The following ABHD6 variants were observed in gnomAD, a reference collection of about 807,000 sequenced individuals.
ABHD6 encodes abhydrolase domain containing 6, acylglycerol lipase, also known as monoacylglycerol lipase ABHD6.
ABHD6 carries 33 observed loss-of-function variants against 38.8 expected under a neutral mutation model. That is an observed-to-expected ratio of 0.85 (90% CI 0.64 to 1.14). The LOEUF (loss-of-function observed/expected upper bound fraction) is 1.14. Among genes scored for constraint, ABHD6 ranks in the 50% most tolerant of loss-of-function variants. The pLI, the probability that ABHD6 is intolerant of heterozygous loss-of-function variation, is 0.00. For synonymous variants in ABHD6, 147 were observed against 161.6 expected (o/e 0.91, Z 0.69); for missense variants, 380 against 422.6 (o/e 0.90, Z 0.88).
chr3:58,239,581 T>C (rs897683973), intron 1 of ABHD6, among the ~76,000 whole-genome samples: 2 of 152,232 alleles, frequency 1.3e-5, no homozygotes, highest in African/African-American at 4.8e-5. Flanking sequence ...CTCCAAATTA[T>C]CCATTGTCTT....
Position 58,256,644 on chromosome 3 carries a change from A to G in ABHD6, c.58A>G (p.Ile20Val), listed in dbSNP as rs141676793. The change falls in exon 3 of 10, where the codon ATC becomes GTC. Residue 20 changes from isoleucine (I) to valine (V), a missense_variant. Transcript: ENST00000478253. The surrounding 1 kb of genome is among the most constrained non-coding windows in gnomAD (Gnocchi z 4.3). Reference sequence around the variant, plus strand: ...TGCGGGCGGCACGCTGGCCATCCCAATCCTGGCATTTGTGGCTTCATTTCT... The same window carrying G: ...TGCGGGCGGCACGCTGGCCATCCCAGTCCTGGCATTTGTGGCTTCATTTCT... ...VIAGGTLAIP[I>V]LAFVASFLLW... 2.0e-5 allele frequency: 32 copies of G among 1,613,806 alleles called. No individual in the cohort carries two copies. The highest frequency in any genetic ancestry group is 1.7e-4 in the Middle Eastern group (1 of 5,854).
At position 58,256,498 on chromosome 3, in the gene ABHD6, A is replaced by T; in HGVS notation, c.-25-64A>T. 2 of 962,818 alleles carry T rather than the reference A, an allele frequency of 2.1e-6. No homozygotes were observed. Among genetic ancestry groups the T allele is most frequent in the Non-Finnish European group, 1.6e-6 (1 of 629,240 alleles). 59.6% of individuals were successfully genotyped at this position (962,818 alleles called of 1,614,324 possible). On this transcript the variant is annotated intron_variant, in intron 2 of 9. Transcript: ENST00000478253. This position sits in a 1 kb window ranked among gnomAD's most constrained non-coding sequence, Gnocchi z 4.3. ...GAACTTCACTTTTCTTGTCCCCTTTACTTCTTCGCCTTTTTTCCTTTGATA... is the reference window on the plus strand; with the variant it reads ...GAACTTCACTTTTCTTGTCCCCTTTTCTTCTTCGCCTTTTTTCCTTTGATA...
At chr3:58,284,855 G>A (rs1047922988) in intron 7 of ABHD6, among the ~76,000 whole-genome samples, 2 of 151,994 alleles carry the variant, frequency 1.3e-5, no homozygotes, top group African/African-American at 2.4e-5. Context: ...CCAGTTTCAC[G>A]ATATTACCCA....
intron 7 of ABHD6, among the ~76,000 whole-genome samples, chr3:58,281,468 C>T (rs1342610725): frequency 6.6e-6 from 1 of 152,162 alleles, no homozygotes; most frequent in Admixed American, 6.5e-5. Context: ...AGTATTTGGG[C>T]AGGAGTGTCC....
chr3:58,260,845 G>A (rs553589839), intron 3 of ABHD6, among the ~76,000 whole-genome samples: 6 of 152,306 alleles, frequency 3.9e-5, no homozygotes, highest in African/African-American at 7.2e-5. Context: ...TTCCCTCTGG[G>A]ATTGTCTCAG....
chr3:58,246,984 A>T (rs2097426853), intron 1 of ABHD6, among the ~76,000 whole-genome samples: 1 of 150,020 alleles, frequency 6.7e-6, no homozygotes, highest in African/African-American at 2.5e-5. Context: ...TCACATTTGT[A>T]TTTCTTTCCT....
rs936757313 is a variant in ABHD6, at chr3:58,263,728, C to G, written c.120-3461C>G. On this transcript the variant is annotated intron_variant, in intron 3 of 9. Coordinates refer to ENST00000478253, the MANE Select transcript of ABHD6 (RefSeq NM_001320126.2). The surrounding 1 kb of genome is among the most constrained non-coding windows in gnomAD (Gnocchi z 4.9). ...CACCTTTTCCACCAGGTCCTTCCAG[C>G]TCTTCCATGATCTCACACTGTACTT... 6.6e-6 allele frequency among the ~76,000 whole-genome samples: 1 copy of G among 152,236 alleles called. No individual in the cohort carries two copies. The highest frequency in any genetic ancestry group is 2.1e-4 in the South Asian group (1 of 4,838).
chr3:58,273,904 TC>T lies in ABHD6; in HGVS notation c.524-753del, dbSNP rs1381327971. Among the ~76,000 whole-genome samples, 1 of 152,090 alleles carries T rather than the reference TC, an allele frequency of 6.6e-6. No individual in the cohort carries two copies. Among genetic ancestry groups the T allele is most frequent in the Admixed American group, 6.6e-5 (1 of 15,254 alleles). The stretch of plus-strand genomic sequence containing the variant: ...CTTAAAGTAAAAAAAGAAAAAAAAA[TC>T]TAATTATTTGGCTAAGCTAAATGCC... On this transcript the variant is annotated intron_variant, in intron 6 of 9. Transcript: ENST00000478253. The surrounding 1 kb of genome is among the most constrained non-coding windows in gnomAD (Gnocchi z 4.8).
At chr3:58,289,950 C>T (rs2097460586) in intron 9 of ABHD6, among the ~76,000 whole-genome samples, 1 of 142,624 alleles carries the variant, frequency 7.0e-6, no homozygotes, top group African/African-American at 2.8e-5. Flanking sequence ...CGGGCAGAGG[C>T]GCCCCTCACC....
At chr3:58,258,070 G>A (rs368398248) in intron 3 of ABHD6, among the ~76,000 whole-genome samples, 21 of 152,268 alleles carry the variant, frequency 1.4e-4, no homozygotes, top group African/African-American at 4.8e-4. Flanking sequence ...CATTTTGGGA[G>A]GCCGAGGCAG....
intron 1 of ABHD6, among the ~76,000 whole-genome samples, chr3:58,248,843 G>A (rs1234931262): frequency 6.6e-6 from 1 of 152,162 alleles, no homozygotes; most frequent in Non-Finnish European, 1.5e-5. Context: ...TTTTTCCATA[G>A]CCTCAGCAGC....
intron 1 of ABHD6, among the ~76,000 whole-genome samples, chr3:58,246,394 G>A (rs11928457): frequency 0.054 from 8,188 of 152,300 alleles, 322 homozygotes; most frequent in Non-Finnish European, 0.082. Flanking sequence ...CTGTACCACA[G>A]GATACACAAC....
chr3:58,250,346 G>A (rs1343646359), intron 2 of ABHD6, among the ~76,000 whole-genome samples: 1 of 152,158 alleles, frequency 6.6e-6, no homozygotes, highest in Non-Finnish European at 1.5e-5. Flanking sequence ...GAATGAAGCT[G>A]TATGGGGCTC....
chr3:58,278,977 G>A (rs1233523521), intron 7 of ABHD6, among the ~76,000 whole-genome samples: 1 of 152,124 alleles, frequency 6.6e-6, no homozygotes, highest in African/African-American at 2.4e-5. Flanking sequence ...AGTTTGTTGT[G>A]ATTTCTGTTC....
At position 58,273,181 on chromosome 3, in the gene ABHD6, G is replaced by T. The variant is rs565259796; in HGVS notation, c.524-1477G>T. Among the ~76,000 whole-genome samples the T allele has an allele frequency of 5.9e-5, 9 of 152,262 alleles. 1 individual carries two copies. In the South Asian group the frequency reaches 1.9e-3, roughly 32 times the overall value. On this transcript the variant is annotated intron_variant, in intron 6 of 9. Coordinates refer to ENST00000478253, the MANE Select transcript of ABHD6 (RefSeq NM_001320126.2). The surrounding 1 kb of genome is among the most constrained non-coding windows in gnomAD (Gnocchi z 4.8). Reference sequence around the variant, plus strand: ...TACCCATGTTAGATTTAAAGGGTTTGCTGGACATAGATTTGCAAAGCGTGG... The same window carrying T: ...TACCCATGTTAGATTTAAAGGGTTTTCTGGACATAGATTTGCAAAGCGTGG...
At chr3:58,289,489 G>C (rs1241299035) in intron 9 of ABHD6, among the ~76,000 whole-genome samples, 3 of 150,570 alleles carry the variant, frequency 2.0e-5, no homozygotes, top group Admixed American at 1.3e-4. Flanking sequence ...ATCTTGCACT[G>C]CCCTTAATCC....
rs1322938600 is a variant in ABHD6, at chr3:58,266,845, T to C, written c.120-344T>C. Among the ~76,000 whole-genome samples the C allele has an allele frequency of 6.6e-6, 1 of 152,228 alleles. No homozygotes were observed. The highest frequency in any genetic ancestry group is 2.4e-5 in the African/African-American group (1 of 41,458). On this transcript the variant is annotated intron_variant, in intron 3 of 9. Coordinates refer to ENST00000478253, the MANE Select transcript of ABHD6 (RefSeq NM_001320126.2). The surrounding 1 kb of genome is among the most constrained non-coding windows in gnomAD (Gnocchi z 4.0). ...AAGCCAGAGGACCAGTGCAGATGGT[T>C]CTCAAGAAATAAGTTATCACTCTCA...
rs372537521 is a variant in ABHD6 at position 58,248,143 on chromosome 3, TTAA to T, written c.-90-1733_-90-1731del. ...GTCTTCTGTTCCATGCTTTTTTGAG[TTAA>T]TGTACCTTGGAGGTCATTACCCATA... is the stretch of plus-strand genomic sequence containing the variant. On this transcript the variant is annotated intron_variant, in intron 1 of 9. Transcript: ENST00000478253. Among the ~76,000 whole-genome samples, 994 of 152,338 alleles carry T rather than the reference TTAA, an allele frequency of 6.5e-3. 9 individuals are homozygous for T. The highest frequency in any genetic ancestry group is 0.023 in the African/African-American group (946 of 41,570).
At chr3:58,260,968 T>C (rs1003277768) in intron 3 of ABHD6, among the ~76,000 whole-genome samples, 8 of 152,188 alleles carry the variant, frequency 5.3e-5, no homozygotes, top group Non-Finnish European at 1.0e-4. Context: ...CACAACACCG[T>C]GGACTATGGC....
Sources: gnomAD v4.1 joint callset for allele counts (sites outside exome capture counted in the v4.1 genomes callset) on GRCh38, gnomAD v4.1.1 for gene constraint, Gnocchi (gnomAD v3.1) non-coding constraint, MANE v1.5 for transcripts, NCBI Gene and HGNC (gene_info 2026-07-23, HGNC 2026-07-21) for gene names.